The following VIPR2 variants were observed in gnomAD, a reference collection of about 807,000 sequenced individuals.
VIPR2 encodes vasoactive intestinal polypeptide receptor 2.
Under a neutral mutation model 58.0 loss-of-function variants are expected in VIPR2, and 48 were observed. That is an observed-to-expected ratio of 0.83 (90% CI 0.66 to 1.05). VIPR2 has a LOEUF of 1.05. VIPR2 is among the 50% of genes least tolerant of loss of function. VIPR2 has a pLI of 0.00. For missense variants in VIPR2, 534 were observed against 558.0 expected, an observed-to-expected ratio of 0.96 and a Z score of 0.43; for synonymous variants, 243 against 235.2, an observed-to-expected ratio of 1.03 and a Z score of -0.30.
intron 4 of VIPR2, among the ~76,000 whole-genome samples, chr7:159,058,926 C>T (rs1585382509): frequency 6.6e-6 from 1 of 152,234 alleles, no homozygotes; most frequent in Non-Finnish European, 1.5e-5. Flanking sequence ...CGAGGCAGCA[C>T]ATCCAGCTTT....
intron 5 of VIPR2, among the ~76,000 whole-genome samples, chr7:159,044,922 TGACCAGC>T (rs1563268066): frequency 8.5e-5 from 13 of 152,106 alleles, no homozygotes; most frequent in Non-Finnish European, 7.4e-5. Context: ...CCTGCCACCA[TGACCAGC>T]TAATTTTTGT....
chr7:159,088,351 T>C (rs890977598), intron 4 of VIPR2, among the ~76,000 whole-genome samples: 18 of 150,582 alleles, frequency 1.2e-4, no homozygotes, highest in African/African-American at 4.4e-4. Flanking sequence ...CACACCTGTA[T>C]ATCTGCACAC....
chr7:159,127,987 A>T lies in VIPR2; in HGVS notation c.151+14459T>A, dbSNP rs3828963. On this transcript the variant is annotated intron_variant, in intron 2 of 12. Coordinates refer to ENST00000262178, the MANE Select transcript of VIPR2 (RefSeq NM_003382.5). The surrounding 1 kb of genome is among the most constrained non-coding windows in gnomAD (Gnocchi z 4.6). ...GATTGGGACTTGTGTCTCTTCCTGGATCATCCCAGAACATACATCCACAGC... is the reference window on the plus strand; with the variant it reads ...GATTGGGACTTGTGTCTCTTCCTGGTTCATCCCAGAACATACATCCACAGC... Among the ~76,000 whole-genome samples the T allele has an allele frequency of 0.15, 22,070 of 152,048 alleles. 1,694 individuals carry two copies. Among genetic ancestry groups the T allele is most frequent in the Non-Finnish European group, 0.16 (10,698 of 67,942 alleles).
At chr7:159,081,942 G>A (rs1013666185) in intron 4 of VIPR2, among the ~76,000 whole-genome samples, 13 of 152,240 alleles carry the variant, frequency 8.5e-5, no homozygotes, top group African/African-American at 2.6e-4. Context: ...TTAGAATGGC[G>A]ATCATTAAAA....
At chr7:159,090,676 A>G (rs1313319209) in intron 4 of VIPR2, among the ~76,000 whole-genome samples, 650 of 105,866 alleles carry the variant, frequency 6.1e-3, no homozygotes, top group African/African-American at 0.024. Context: ...GCAGAGACAC[A>G]CTGGGATCAC....
chr7:159,058,691 T>C, intron 4 of VIPR2, 113 bp from the exon 5 acceptor site: 2 of 782,902 alleles, frequency 2.6e-6, no homozygotes, highest in South Asian at 3.3e-5. Flanking sequence ...CTTGCCTGCC[T>C]GGAAGGCACG....
chr7:159,100,842 T>C (rs55842173), intron 4 of VIPR2, among the ~76,000 whole-genome samples: 21,604 of 140,066 alleles, frequency 0.15, 1,760 homozygotes, highest in East Asian at 0.17. Context: ...CTGACGAGGC[T>C]GTTCCCCCGA....
intron 4 of VIPR2, among the ~76,000 whole-genome samples, chr7:159,081,315 A>G (rs573650055): frequency 1.8e-4 from 28 of 152,382 alleles, no homozygotes; most frequent in Middle Eastern, 3.4e-3. Context: ...ATAATGCCAC[A>G]TATCTACAAC....
chr7:159,068,565 G>A (rs923404763), intron 4 of VIPR2, among the ~76,000 whole-genome samples: 3 of 152,232 alleles, frequency 2.0e-5, no homozygotes, highest in African/African-American at 4.8e-5. Context: ...TGAAGTCAGC[G>A]CAGACAGCCC....
chr7:159,124,725 C>T (rs73169267), intron 2 of VIPR2, among the ~76,000 whole-genome samples: 25,317 of 152,040 alleles, frequency 0.17, 2,175 homozygotes, highest in Non-Finnish European at 0.17. Context: ...ATCTATATGG[C>T]AGTATGGCCA....
intron 4 of VIPR2, among the ~76,000 whole-genome samples, chr7:159,069,280 A>C (rs73730139): frequency 0.031 from 4,649 of 152,036 alleles, 117 homozygotes; most frequent in African/African-American, 0.06. Flanking sequence ...TACCTTCTCC[A>C]GGCGCTCCGA....
chr7:159,112,877 C>T (rs1796090491), intron 2 of VIPR2, among the ~76,000 whole-genome samples: 1 of 151,622 alleles, frequency 6.6e-6, no homozygotes, highest in Non-Finnish European at 1.5e-5. Flanking sequence ...ACTCACGGGA[C>T]CTACTTGGGA....
At chr7:159,083,534 G>A (rs1404345564) in intron 4 of VIPR2, among the ~76,000 whole-genome samples, 1 of 152,170 alleles carries the variant, frequency 6.6e-6, no homozygotes, top group East Asian at 1.9e-4. Flanking sequence ...CCTTCACACA[G>A]CACGCGGGTT....
intron 2 of VIPR2, among the ~76,000 whole-genome samples, chr7:159,141,044 TGGA>T (rs112798160): frequency 3.3e-5 from 5 of 152,186 alleles, no homozygotes; most frequent in African/African-American, 1.2e-4. Flanking sequence ...ATTTGGAACT[TGGA>T]GGTGAGGAGG....
chr7:159,034,187 A>G (rs775134095), intron 10 of VIPR2, 26 bp downstream of exon 10: 1 of 1,611,234 alleles, frequency 6.2e-7, no homozygotes, highest in Non-Finnish European at 8.5e-7. Context: ...CCCATCAGGG[A>G]CGGCCAGGCC....
rs1335939066 is a variant in VIPR2, at chr7:159,030,794, G to A, written c.1144-5C>T. ...TCGCTTCAGCTCGCACTGCACCTGG[G>A]AGGTGAGGGCAGCGGGAACGCCCGT... On this transcript the variant is annotated splice_polypyrimidine_tract_variant and splice_region_variant and intron_variant, in intron 12 of 12. Coordinates refer to ENST00000262178, the MANE Select transcript of VIPR2 (RefSeq NM_003382.5). 4.4e-6 allele frequency: 7 copies of A among 1,573,116 alleles called. No homozygotes were observed. The East Asian group carries it at 1.2e-4, about 27-fold the overall frequency.
At chr7:159,123,961 T>C (rs560173140) in intron 2 of VIPR2, among the ~76,000 whole-genome samples, 6 of 152,340 alleles carry the variant, frequency 3.9e-5, no homozygotes, top group Admixed American at 2.6e-4. Flanking sequence ...TTTTGAAAAA[T>C]GTCTGTTCAT....
At chr7:159,043,713 G>A (rs1361007067) in intron 5 of VIPR2, among the ~76,000 whole-genome samples, 1 of 152,176 alleles carries the variant, frequency 6.6e-6, no homozygotes, top group African/African-American at 2.4e-5. Context: ...CTTGGTCCTG[G>A]AGAAATTTCA....
chr7:159,135,276 CA>C, intron 2 of VIPR2, among the ~76,000 whole-genome samples: 1 of 150,784 alleles, frequency 6.6e-6, no homozygotes. Flanking sequence ...ACCAAAAATC[CA>C]AAAAATTAGT....
Sources: gnomAD v4.1 joint callset for allele counts (sites outside exome capture counted in the v4.1 genomes callset) on GRCh38, gnomAD v4.1.1 for gene constraint, Gnocchi (gnomAD v3.1) non-coding constraint, MANE v1.5 for transcripts, NCBI Gene and HGNC (gene_info 2026-07-23, HGNC 2026-07-21) for gene names.